The following LANCL1 variants were observed in gnomAD, a reference collection of about 807,000 sequenced individuals.
LANCL1 encodes the protein glutathione S-transferase LANCL1.
LANCL1 carries 50 observed loss-of-function variants against 50.6 expected under a neutral mutation model. The ratio of observed to expected loss-of-function variants is 0.99; its 90% CI spans 0.79 to 1.25. LANCL1 has a LOEUF of 1.25. Ranked by LOEUF, LANCL1 falls within the 50% of genes most tolerant of loss-of-function variation. The pLI is 0.00. For synonymous variants in LANCL1, 188 were observed against 178.6 expected (o/e 1.05, Z -0.42); for missense variants, 532 against 480.7 (o/e 1.11, Z -1.00).
upstream of LANCL1, chr2:210,477,500 TAAA>T: frequency 1.6e-6 from 2 of 1,277,694 alleles, no homozygotes; most frequent in Non-Finnish European, 9.9e-7. Context: ...GGAGTTCAGT[TAAA>T]AAGTCAGCCT....
intron 3 of LANCL1, among the ~76,000 whole-genome samples, chr2:210,460,223 G>A (rs1693809622): frequency 6.6e-6 from 1 of 152,136 alleles, no homozygotes; most frequent in South Asian, 2.1e-4. Flanking sequence ...TTAGCTCTGT[G>A]AGGCATTTTC....
rs558869624 is a variant in LANCL1, at chr2:210,434,392, C to A, written c.*95G>T. 7.3e-4 allele frequency: 626 copies of A among 858,412 alleles called. 1 individual carries two copies. The African/African-American group carries it at 0.01, about 14-fold the overall frequency. The allele number at this position is 858,412 out of a possible 1,614,324, so 53.2% of individuals were successfully genotyped here. A position where few individuals can be genotyped will look rare whatever the true frequency, so the allele number is the denominator to read the frequency against. On this transcript the variant is annotated 3_prime_UTR_variant, in exon 10 of 10. Coordinates refer to ENST00000450366, the MANE Select transcript of LANCL1 (RefSeq NM_006055.3). ...TAACAAAATCAAGTCCACAGTTTGA[C>A]TCTTTGTTTCCTTGGAAAGCAACGG...
intron 6 of LANCL1, among the ~76,000 whole-genome samples, chr2:210,439,914 C>T (rs1024852345): frequency 2.0e-5 from 3 of 152,204 alleles, no homozygotes; most frequent in African/African-American, 4.8e-5. Context: ...GCCATGAATT[C>T]TTATTCAGAA....
At position 210,433,400 on chromosome 2, in the gene LANCL1, G is replaced by C. The variant is rs1041401842; in HGVS notation, c.*1087C>G. 1.5e-4 allele frequency: 23 copies of C among 152,296 alleles called. No individual in the cohort carries two copies. Among genetic ancestry groups the C allele is most frequent in the African/African-American group, 5.5e-4 (23 of 41,574 alleles). 9.4% of individuals were successfully genotyped at this position (152,296 alleles called of 1,614,324 possible). A position where few individuals can be genotyped will look rare whatever the true frequency, so the allele number is the denominator to read the frequency against. ...AAAAAGCATTTCTATTAAATGCTTA[G>C]TTTAGTGTTTTTGTTCAAGTTATTG... On this transcript the variant is annotated 3_prime_UTR_variant, in exon 10 of 10. Coordinates refer to ENST00000450366, the MANE Select transcript of LANCL1 (RefSeq NM_006055.3).
chr2:210,462,983 C>A (rs1380643712), intron 3 of LANCL1, among the ~76,000 whole-genome samples: 1 of 152,124 alleles, frequency 6.6e-6, no homozygotes. Context: ...ACCTTCTTCA[C>A]TTATAAAGTG....
At chr2:210,465,134 G>A (rs1370324328) in intron 3 of LANCL1, among the ~76,000 whole-genome samples, 2 of 152,240 alleles carry the variant, frequency 1.3e-5, no homozygotes, top group African/African-American at 4.8e-5. Flanking sequence ...TGTTGCTGAT[G>A]TGAAATCAAG....
At chr2:210,472,984 G>C (rs1694266238) in intron 2 of LANCL1, among the ~76,000 whole-genome samples, 2 of 152,184 alleles carry the variant, frequency 1.3e-5, no homozygotes, top group Non-Finnish European at 1.5e-5. Flanking sequence ...CACAGATGCT[G>C]TGCAAACAGT....
intron 2 of LANCL1, among the ~76,000 whole-genome samples, chr2:210,473,352 G>A (rs569716041): frequency 1.2e-4 from 18 of 152,156 alleles, no homozygotes; most frequent in Admixed American, 1.0e-3. Flanking sequence ...TCCAGCCTGG[G>A]CAACAAGAGC....
intron 7 of LANCL1, 143 bp from the exon 8 acceptor site, chr2:210,436,535 T>C: frequency 3.9e-6 from 3 of 772,100 alleles, no homozygotes; most frequent in Non-Finnish European, 6.2e-6. Flanking sequence ...ATGTGTTATG[T>C]TGCTAGTGAC....
At chr2:210,470,467 G>C (rs1015871244) in intron 3 of LANCL1, among the ~76,000 whole-genome samples, 1 of 152,030 alleles carries the variant, frequency 6.6e-6, no homozygotes, top group Non-Finnish European at 1.5e-5. Context: ...TTGAGTACCC[G>C]TTATCTGAAA....
chr2:210,453,620 G>C (rs1402919628), intron 4 of LANCL1, among the ~76,000 whole-genome samples: 1 of 152,120 alleles, frequency 6.6e-6, no homozygotes, highest in Non-Finnish European at 1.5e-5. Flanking sequence ...TAGAATATTG[G>C]GAGCACTACA....
chr2:210,435,708 T>C (rs1692904981), intron 8 of LANCL1, among the ~76,000 whole-genome samples: 1 of 152,014 alleles, frequency 6.6e-6, no homozygotes, highest in Non-Finnish European at 1.5e-5. Context: ...TACATCTTTA[T>C]TTTTTTCTCC....
At chr2:210,458,305 A>C (rs1693728447) in intron 3 of LANCL1, among the ~76,000 whole-genome samples, 1 of 152,216 alleles carries the variant, frequency 6.6e-6, no homozygotes, top group African/African-American at 2.4e-5. Context: ...ATCCTAAGGA[A>C]GACAGCTCTT....
At chr2:210,456,155 T>C (rs538525391) in intron 3 of LANCL1, among the ~76,000 whole-genome samples, 1 of 152,184 alleles carries the variant, frequency 6.6e-6, no homozygotes, top group South Asian at 2.1e-4. Flanking sequence ...AGATGTGGAG[T>C]AGGAAGCCTG....
At chr2:210,471,590 T>C (rs904472308) in intron 3 of LANCL1, 16 of 469,176 alleles carry the variant, frequency 3.4e-5, no homozygotes, top group Non-Finnish European at 5.5e-5. Flanking sequence ...CTGAGATCAA[T>C]CCTCATTACC....
intron 5 of LANCL1, 135 bp downstream of exon 5, chr2:210,441,173 G>A (rs1574416299): frequency 1.2e-6 from 1 of 868,304 alleles, no homozygotes; most frequent in Non-Finnish European, 1.8e-6. Flanking sequence ...CTTGGACTGT[G>A]CCCAACCTTT....
intron 3 of LANCL1, among the ~76,000 whole-genome samples, chr2:210,469,692 T>C (rs968371667): frequency 1.3e-5 from 2 of 152,190 alleles, no homozygotes; most frequent in Admixed American, 1.3e-4. Flanking sequence ...AGAAACCCTG[T>C]ACAGCCAAAA....
In LANCL1 at chr2:210,436,224, C is replaced by A. The variant is rs1306830696; in HGVS notation, c.1042G>T (p.Ala348Ser). The change falls in exon 8 of 10, where the codon GCC becomes TCC. Residue 348 changes from alanine (A) to serine (S), a missense_variant. Physicochemically the swap from Ala to Ser is moderately conservative, Grantham distance 99. Coordinates refer to ENST00000450366, the MANE Select transcript of LANCL1 (RefSeq NM_006055.3). The stretch of plus-strand genomic sequence containing the variant: ...GTGGTTCTGACTCCTACCTTACAGG[C>A]CCTATACAGGTACTTCATGTCCTGT... ...LTQDMKYLYR[A>S]CKFAEWCLEY... 4 of 1,613,770 alleles carry A rather than the reference C, an allele frequency of 2.5e-6. No individual in the cohort carries two copies. Among genetic ancestry groups the A allele is most frequent in the Non-Finnish European group, 3.4e-6 (4 of 1,179,846 alleles).
At chr2:210,465,856 G>T (rs747287957) in intron 3 of LANCL1, among the ~76,000 whole-genome samples, 5 of 152,212 alleles carry the variant, frequency 3.3e-5, no homozygotes, top group South Asian at 4.2e-4. Context: ...CCCTATTCTG[G>T]GGGGGGAAAA....
Sources: gnomAD v4.1 joint callset for allele counts (sites outside exome capture counted in the v4.1 genomes callset) on GRCh38, gnomAD v4.1.1 for gene constraint, MANE v1.5 for transcripts, NCBI Gene and HGNC (gene_info 2026-07-23, HGNC 2026-07-21) for gene names.